Variants in CFAP47 observed in about 807,000 individuals in gnomAD.
CFAP47 encodes the protein cilia and flagella associated protein 47, also known as cilia- and flagella-associated protein 47.
Under a neutral mutation model 148.1 loss-of-function variants are expected in CFAP47, and 29 were observed. The observed-to-expected ratio is 0.20, with a 90% CI of 0.15 to 0.27. The LOEUF is 0.27. CFAP47 is among the 10% of genes least tolerant of loss of function. The probability of loss-of-function intolerance (pLI) is 1.00; values close to 1 mark genes in which losing one functional copy is unlikely to be tolerated. For missense variants in CFAP47, 1,872 were observed against 1,697.5 expected (o/e 1.10, Z -1.81); for synonymous variants, 664 against 577.3 (o/e 1.15, Z -2.15).
chrX:36,259,202 G>A (rs1036766506), intron 49 of CFAP47, among the ~76,000 whole-genome samples: 2 of 111,053 alleles, frequency 1.8e-5, no homozygotes, highest in East Asian at 5.7e-4. Flanking sequence ...CGATCATTTA[G>A]GGGCATAATT....
intron 35 of CFAP47, 106 bp from the exon 36 acceptor site, chrX:36,145,111 ATG>A: frequency 1.3e-5 from 3 of 234,918 alleles, no homozygotes; most frequent in Non-Finnish European, 2.2e-5. Flanking sequence ...GTGTGTGTGT[ATG>A]TGTGTGTATG....
chrX:36,132,944 C>T (rs1355846575), intron 33 of CFAP47, among the ~76,000 whole-genome samples: 1 of 111,692 alleles, frequency 9.0e-6, no homozygotes, highest in Non-Finnish European at 1.9e-5. Flanking sequence ...GTCAGACAAG[C>T]AGCAAATTCT....
chrX:36,107,951 A>AT (rs1373607569), intron 33 of CFAP47, among the ~76,000 whole-genome samples: 20 of 111,438 alleles, frequency 1.8e-4, no homozygotes, highest in Non-Finnish European at 3.6e-4. Context: ...CATTCAGGGA[A>AT]TAAACACTTG....
At chrX:35,982,422 T>C (rs1271843667) in intron 15 of CFAP47, among the ~76,000 whole-genome samples, 8 of 111,929 alleles carry the variant, frequency 7.1e-5, no homozygotes, top group Non-Finnish European at 1.3e-4. Context: ...ATTTTTACTC[T>C]GTTGATAGTT....
intron 16 of CFAP47, chrX:35,990,270 A>G (rs1569226533): frequency 9.0e-6 from 1 of 111,600 alleles, no homozygotes; most frequent in Non-Finnish European, 1.9e-5. Flanking sequence ...AAAACCTATG[A>G]CAATAACAAA....
intron 48 of CFAP47, among the ~76,000 whole-genome samples, chrX:36,239,158 A>T (rs931014335): frequency 2.7e-5 from 3 of 112,483 alleles, no homozygotes; most frequent in Non-Finnish European, 5.6e-5. Flanking sequence ...ACAAAGTAGT[A>T]GAAAATAATT....
chrX:36,319,232 G>A lies in CFAP47; in HGVS notation c.8368G>A (p.Val2790Ile), dbSNP rs1412639900. 2 of 1,116,595 alleles carry A rather than the reference G, an allele frequency of 1.8e-6. No individual in the cohort carries two copies. Among genetic ancestry groups the A allele is most frequent in the African/African-American group, 3.7e-5 (2 of 53,580 alleles). The allele number at this position is 1,116,595 out of a possible 1,213,427, so 92.0% of individuals were successfully genotyped here. The change falls in exon 57 of 64, where the codon GTC becomes ATC. Residue 2790 changes from valine (V) to isoleucine (I), a missense_variant. Physicochemically the swap from Val to Ile is conservative, Grantham distance 29 (BLOSUM62 3). Coordinates refer to ENST00000378653, the MANE Select transcript of CFAP47 (RefSeq NM_001304548.2). The part of the protein sequence containing the change: ...LTSVEHPRNL[V>I]MDHCWDSFIY... ...AGGTGTGGAACATCCCAGGAATCTTGTCATGGATCATTGCTGGGATAGCTT... is the reference window on the plus strand; with the variant it reads ...AGGTGTGGAACATCCCAGGAATCTTATCATGGATCATTGCTGGGATAGCTT...
At chrX:36,232,270 G>T (rs1233717068) in intron 46 of CFAP47, among the ~76,000 whole-genome samples, 2 of 111,659 alleles carry the variant, frequency 1.8e-5, no homozygotes, top group Non-Finnish European at 3.8e-5. Context: ...GTAAGCTATT[G>T]ATTATTGCCA....
At chrX:36,015,774 C>T (rs1937089738) in intron 22 of CFAP47, among the ~76,000 whole-genome samples, 1 of 111,420 alleles carries the variant, frequency 9.0e-6, no homozygotes. Context: ...GGTAGATAAG[C>T]TTTCAAAACA....
At chrX:36,169,352 GT>G (rs202038212) in intron 39 of CFAP47, among the ~76,000 whole-genome samples, 40 of 98,927 alleles carry the variant, frequency 4.0e-4, no homozygotes, top group East Asian at 1.9e-3. Flanking sequence ...TTTTTAAAAT[GT>G]TTTTTTTTTT....
At chrX:36,178,199 G>A (rs1450875906) in intron 39 of CFAP47, among the ~76,000 whole-genome samples, 3 of 110,717 alleles carry the variant, frequency 2.7e-5, no homozygotes, top group Non-Finnish European at 5.7e-5. Context: ...AGGGATGGAG[G>A]GGCAAGGACT....
At chrX:36,151,293 G>A (rs918462436) in intron 37 of CFAP47, among the ~76,000 whole-genome samples, 10 of 111,700 alleles carry the variant, frequency 9.0e-5, no homozygotes, top group African/African-American at 2.3e-4. Context: ...TTGTTAGTTC[G>A]TTTCTTTCCA....
intron 27 of CFAP47, among the ~76,000 whole-genome samples, chrX:36,069,932 G>A: frequency 8.9e-6 from 1 of 112,298 alleles, no homozygotes; most frequent in Middle Eastern, 4.6e-3. Context: ...TTAGTTGAAA[G>A]TGTATAGATG....
chrX:36,034,978 C>A (rs1482801455), intron 23 of CFAP47, among the ~76,000 whole-genome samples: 1 of 110,144 alleles, frequency 9.1e-6, no homozygotes, highest in African/African-American at 3.3e-5. Flanking sequence ...GTCCCTCTCT[C>A]TCTATATATA....
intron 33 of CFAP47, among the ~76,000 whole-genome samples, chrX:36,134,842 G>A (rs1267116767): frequency 9.0e-6 from 1 of 110,591 alleles, no homozygotes; most frequent in African/African-American, 3.3e-5. Flanking sequence ...TTTCTTGTAT[G>A]CAGGATACAT....
At chrX:35,972,328 C>T (rs746592220) in intron 13 of CFAP47, among the ~76,000 whole-genome samples, 46 of 110,657 alleles carry the variant, frequency 4.2e-4, no homozygotes, top group Non-Finnish European at 7.4e-4. Flanking sequence ...CTCCCGGGTT[C>T]AAGCGATTCT....
intron 26 of CFAP47, among the ~76,000 whole-genome samples, chrX:36,051,626 G>A (rs937153461): frequency 1.8e-5 from 2 of 111,642 alleles, no homozygotes; most frequent in African/African-American, 6.5e-5. Flanking sequence ...CAAGCTAAGC[G>A]GTGGAAGGGA....
At chrX:36,293,257 T>A (rs1394464625) in intron 51 of CFAP47, among the ~76,000 whole-genome samples, 1 of 112,520 alleles carries the variant, frequency 8.9e-6, no homozygotes, top group Non-Finnish European at 1.9e-5. Flanking sequence ...TAATTATATT[T>A]CCATATTATG....
chrX:36,264,820 T>C (rs1940871352), intron 49 of CFAP47, among the ~76,000 whole-genome samples: 1 of 112,211 alleles, frequency 8.9e-6, no homozygotes, highest in Non-Finnish European at 1.9e-5. Context: ...AGCCTTCTAT[T>C]CTGCCGTCTT....
Sources: gnomAD v4.1 joint callset for allele counts (sites outside exome capture counted in the v4.1 genomes callset) on GRCh38, gnomAD v4.1.1 for gene constraint, MANE v1.5 for transcripts, NCBI Gene and HGNC (gene_info 2026-07-23, HGNC 2026-07-21) for gene names.